DNAJC13: variants seen among roughly 807,000 people sequenced by gnomAD.
DNAJC13 encodes the protein DnaJ heat shock protein family (Hsp40) member C13.
Under a neutral mutation model 290.5 loss-of-function variants are expected in DNAJC13, and 75 were observed. That is an observed-to-expected ratio of 0.26 (90% CI 0.21 to 0.31). The LOEUF is 0.31. Among genes scored for constraint, DNAJC13 ranks in the 10% least tolerant of loss-of-function variants. DNAJC13 has a pLI of 1.00. For missense variants in DNAJC13, 2,260 were observed against 2,674.5 expected, an observed-to-expected ratio of 0.85 and a Z score of 3.42; for synonymous variants, 862 against 892.0, an observed-to-expected ratio of 0.97 and a Z score of 0.60.
chr3:132,500,861 C>G lies in DNAJC13; in HGVS notation c.4484C>G (p.Thr1495Arg), dbSNP rs771885709. 1 of 1,613,954 alleles carries G rather than the reference C, an allele frequency of 6.2e-7. No individual in the cohort carries two copies. Among genetic ancestry groups the G allele is most frequent in the Non-Finnish European group, 8.5e-7 (1 of 1,179,930 alleles). ...TTTGAGGAATGCCGAGAGAAGATCA[C>G]GGAAATGCCTAGCATCATCAAGGAT... Reference protein sequence around the residue: ...AQFEECREKITEMPSIIKDLC... With the variant: ...AQFEECREKIREMPSIIKDLC... Residue 1495 changes from threonine to arginine, a missense_variant, in exon 39 of 56, where the codon ACG (threonine) becomes AGG (arginine). Thr to Arg is a moderately conservative substitution (Grantham distance 71, BLOSUM62 -1). This residue lies in a region of DNAJC13 where 1,494 missense variants were observed against 1,693.7 expected (regional missense o/e 0.88). Transcript: ENST00000260818.
At position 132,502,473 on chromosome 3, in the gene DNAJC13, C is replaced by T; in HGVS notation, c.4716+5C>T. Reference sequence around the variant, plus strand: ...AGTGAAGAAACAAACCAGCAGGTAACTTTAACATTGCTTTAATATTGAATT... The same window carrying T: ...AGTGAAGAAACAAACCAGCAGGTAATTTTAACATTGCTTTAATATTGAATT... On this transcript the variant is annotated splice_donor_5th_base_variant and intron_variant, in intron 40 of 55. Coordinates refer to ENST00000260818, the MANE Select transcript of DNAJC13 (RefSeq NM_015268.4). The T allele has an allele frequency of 6.3e-7, 1 of 1,598,034 alleles. No individual in the cohort carries two copies. The highest frequency in any genetic ancestry group is 8.5e-7 in the Non-Finnish European group (1 of 1,171,582).
intron 5 of DNAJC13, 106 bp downstream of exon 5, chr3:132,448,045 G>GA: frequency 1.3e-6 from 1 of 767,104 alleles, no homozygotes; most frequent in South Asian, 1.9e-5. Context: ...AAGCTAAAGG[G>GA]AAAAGAAACA....
chr3:132,513,952 CAG>C (rs1412537064), intron 45 of DNAJC13, among the ~76,000 whole-genome samples: 1 of 152,152 alleles, frequency 6.6e-6, no homozygotes, highest in Non-Finnish European at 1.5e-5. Flanking sequence ...TGGCTTAAAA[CAG>C]ATTTTTAATA....
chr3:132,434,727 TCTC>T, intron 2 of DNAJC13, 109 bp downstream of exon 2: 1 of 725,236 alleles, frequency 1.4e-6, no homozygotes, highest in Non-Finnish European at 2.1e-6. Flanking sequence ...ATACAGCCCT[TCTC>T]TTCTGAAAAA....
intron 3 of DNAJC13, 29 bp downstream of exon 3, chr3:132,446,579 T>A: frequency 1.3e-6 from 2 of 1,486,520 alleles, no homozygotes; most frequent in Non-Finnish European, 1.8e-6. Flanking sequence ...GTTAGGTGTT[T>A]GTATGAACTC....
At chr3:132,529,751 C>T (rs1936360153) in intron 54 of DNAJC13, among the ~76,000 whole-genome samples, 1 of 141,580 alleles carries the variant, frequency 7.1e-6, no homozygotes, top group African/African-American at 2.7e-5. Context: ...AGCGCCACTG[C>T]AGTCCAGCCT....
At chr3:132,421,943 A>G (rs1401566476) in intron 1 of DNAJC13, among the ~76,000 whole-genome samples, 1 of 152,174 alleles carries the variant, frequency 6.6e-6, no homozygotes, top group African/African-American at 2.4e-5. Flanking sequence ...TATATAAAAC[A>G]ATTAGAGTCT....
At chr3:132,434,450 A>C (rs1000267537) in intron 1 of DNAJC13, 88 bp from the exon 2 acceptor site, 3 of 877,254 alleles carry the variant, frequency 3.4e-6, no homozygotes, top group African/African-American at 3.4e-5. Flanking sequence ...AAAGTGAGAG[A>C]GCGATCTTGC....
intron 4 of DNAJC13, 75 bp downstream of exon 4, chr3:132,447,545 G>C: frequency 7.4e-7 from 1 of 1,352,258 alleles, no homozygotes; most frequent in Non-Finnish European, 9.7e-7. Context: ...TAGAAGTAGA[G>C]AAATTAATGT....
At chr3:132,508,030 T>A (rs971467854) in intron 43 of DNAJC13, among the ~76,000 whole-genome samples, 1 of 152,216 alleles carries the variant, frequency 6.6e-6, no homozygotes, top group African/African-American at 2.4e-5. Flanking sequence ...AATACATGAA[T>A]GACAAGAAAT....
At chr3:132,517,391 C>T (rs1576515960) in intron 48 of DNAJC13, among the ~76,000 whole-genome samples, 1 of 152,184 alleles carries the variant, frequency 6.6e-6, no homozygotes, top group Admixed American at 6.5e-5. Flanking sequence ...GAATTTCATT[C>T]AGGTGCAAGT....
intron 1 of DNAJC13, among the ~76,000 whole-genome samples, chr3:132,427,433 G>A (rs1267503493): frequency 6.6e-6 from 1 of 151,854 alleles, no homozygotes; most frequent in Admixed American, 6.6e-5. Flanking sequence ...CATCGCACCC[G>A]GCAATATTTT....
At chr3:132,439,683 C>T (rs1351057971) in intron 2 of DNAJC13, among the ~76,000 whole-genome samples, 1 of 152,164 alleles carries the variant, frequency 6.6e-6, no homozygotes, top group Non-Finnish European at 1.5e-5. Context: ...ACAGACATTG[C>T]ATCATGGAAT....
At chr3:132,442,170 T>G (rs527898418) in intron 2 of DNAJC13, among the ~76,000 whole-genome samples, 1 of 152,208 alleles carries the variant, frequency 6.6e-6, no homozygotes, top group South Asian at 2.1e-4. Flanking sequence ...GTTGGTTTTT[T>G]TGTGTGTGTG....
intron 12 of DNAJC13, 51 bp downstream of exon 12, chr3:132,456,883 A>G: frequency 6.3e-7 from 1 of 1,578,790 alleles, no homozygotes; most frequent in Non-Finnish European, 8.6e-7. Flanking sequence ...GAACTACTCA[A>G]AATGGCAAAT....
At chr3:132,459,620 T>C (rs1559878048) in intron 13 of DNAJC13, among the ~76,000 whole-genome samples, 1 of 152,154 alleles carries the variant, frequency 6.6e-6, no homozygotes, top group Non-Finnish European at 1.5e-5. Context: ...TAAGAAACAA[T>C]GCTATGAAAC....
chr3:132,460,969 G>A, intron 14 of DNAJC13, 81 bp from the exon 15 acceptor site: 2 of 1,338,202 alleles, frequency 1.5e-6, no homozygotes, highest in Non-Finnish European at 2.1e-6. Flanking sequence ...TAGAATAACA[G>A]AAAGGAACAC....
rs778195699 is a variant in DNAJC13 at position 132,456,562 on chromosome 3, A to G, written c.1161A>G (p.Leu387=). Reference sequence around the variant, plus strand: ...CTAATATTTCATACAGTGGAGTCCTACATGCAGTAACACAAGATGTAAGCT... The same window carrying G: ...CTAATATTTCATACAGTGGAGTCCTGCATGCAGTAACACAAGATGTAAGCT... The part of the protein sequence containing the change: ...FNANISYSGV[L]HAVTQDGLFS... Residue 387 remains leucine (L), a synonymous_variant, in exon 11 of 56, where the codon CTA becomes CTG. Coordinates refer to ENST00000260818, the MANE Select transcript of DNAJC13 (RefSeq NM_015268.4). 2.5e-6 allele frequency: 4 copies of G among 1,613,968 alleles called. No individual in the cohort carries two copies. In the South Asian group the frequency reaches 4.4e-5, roughly 18 times the overall value.
intron 1 of DNAJC13, among the ~76,000 whole-genome samples, chr3:132,426,551 T>C (rs535139363): frequency 4.3e-4 from 66 of 152,238 alleles, no homozygotes; most frequent in Non-Finnish European, 5.0e-4. Context: ...TTACATTTTT[T>C]AGTTGGACAG....
Sources: gnomAD v4.1 joint callset for allele counts (sites outside exome capture counted in the v4.1 genomes callset) on GRCh38, gnomAD v4.1.1 for gene constraint, gnomAD v4.1.1 regional missense constraint, MANE v1.5 for transcripts, NCBI Gene and HGNC (gene_info 2026-07-23, HGNC 2026-07-21) for gene names.